The following RALYL variants were observed in gnomAD, a reference collection of about 807,000 sequenced individuals.
RALYL encodes RNA-binding Raly-like protein.
Under a neutral mutation model 35.1 loss-of-function variants are expected in RALYL, and 29 were observed. The observed-to-expected ratio is 0.83, with a 90% CI of 0.61 to 1.13. The LOEUF (loss-of-function observed/expected upper bound fraction) is 1.13. Ranked by LOEUF, RALYL falls within the 50% of genes most tolerant of loss-of-function variation. The pLI is 0.00. For synonymous variants in RALYL, 120 were observed against 127.6 expected (o/e 0.94, Z 0.40); for missense variants, 359 against 360.4 (o/e 1.00, Z 0.03).
chr8:84,921,717 A>G lies in RALYL; in HGVS notation c.*806A>G, dbSNP rs1240109734. Reference sequence around the variant, plus strand: ...TCCTAGGAACTCTCCATTCCCAAGCATTGCCAGTGTTTTCCAGATAATCTT... The same window carrying G: ...TCCTAGGAACTCTCCATTCCCAAGCGTTGCCAGTGTTTTCCAGATAATCTT... On this transcript the variant is annotated 3_prime_UTR_variant, in exon 9 of 9. Coordinates refer to ENST00000521268, the MANE Select transcript of RALYL (RefSeq NM_173848.7). 1 of 152,174 alleles carries G rather than the reference A, an allele frequency of 6.6e-6. No homozygotes were observed. Among genetic ancestry groups the G allele is most frequent in the East Asian group, 1.9e-4 (1 of 5,198 alleles). 9.4% of individuals were successfully genotyped at this position (152,174 alleles called of 1,614,324 possible). A position where few individuals can be genotyped will look rare whatever the true frequency, so the allele number is the denominator to read the frequency against.
chr8:84,275,421 C>A (rs1364840484), intron 1 of RALYL, among the ~76,000 whole-genome samples: 2 of 151,630 alleles, frequency 1.3e-5, no homozygotes, highest in Non-Finnish European at 2.9e-5. Context: ...TTTGTTACTG[C>A]ATTTTTAAAT....
intron 8 of RALYL, among the ~76,000 whole-genome samples, chr8:84,920,039 TAATA>T (rs1271427093): frequency 1.3e-5 from 2 of 152,072 alleles, no homozygotes; most frequent in Non-Finnish European, 2.9e-5. Context: ...TTCAAAGCTT[TAATA>T]AATAAAGTCA....
At chr8:84,731,797 A>G (rs891254576) in intron 2 of RALYL, among the ~76,000 whole-genome samples, 6 of 152,180 alleles carry the variant, frequency 3.9e-5, no homozygotes, top group African/African-American at 1.4e-4. Context: ...TGCCCTTTAA[A>G]AAAACCAAAG....
intron 2 of RALYL, among the ~76,000 whole-genome samples, chr8:84,607,068 T>C (rs1000161813): frequency 2.0e-5 from 3 of 152,104 alleles, no homozygotes; most frequent in Admixed American, 1.3e-4. Context: ...ATTTTAATTG[T>C]TTTATAATGA....
chr8:84,825,803 G>A (rs894483915), intron 4 of RALYL, among the ~76,000 whole-genome samples: 1 of 152,116 alleles, frequency 6.6e-6, no homozygotes, highest in South Asian at 2.1e-4. Flanking sequence ...AGGAAGCAGA[G>A]GTTGCAGTGA....
At chr8:84,343,643 T>A (rs1849278750) in intron 1 of RALYL, among the ~76,000 whole-genome samples, 1 of 152,010 alleles carries the variant, frequency 6.6e-6, no homozygotes, top group African/African-American at 2.4e-5. Context: ...TTATTTCATT[T>A]TTTTAAGAAA....
chr8:84,725,182 T>C (rs1274695249), intron 2 of RALYL, among the ~76,000 whole-genome samples: 2 of 151,668 alleles, frequency 1.3e-5, no homozygotes, highest in Admixed American at 6.6e-5. Context: ...GTCAAAAAAG[T>C]CATTTTGATA....
chr8:84,573,773 T>C (rs1190622263), intron 2 of RALYL, among the ~76,000 whole-genome samples: 1 of 151,978 alleles, frequency 6.6e-6, no homozygotes, highest in Non-Finnish European at 1.5e-5. Flanking sequence ...CTGATCTCTT[T>C]TGAATAGTGT....
At chr8:84,510,790 A>G (rs1206343160) in intron 1 of RALYL, among the ~76,000 whole-genome samples, 1 of 151,698 alleles carries the variant, frequency 6.6e-6, no homozygotes, top group Non-Finnish European at 1.5e-5. Context: ...AGCCTGGGCA[A>G]CAAGAGTGAA....
intron 1 of RALYL, among the ~76,000 whole-genome samples, chr8:84,387,441 TTAAAATTTCCAGGC>T (rs1859475160): frequency 6.6e-6 from 1 of 151,910 alleles, no homozygotes; most frequent in Admixed American, 6.6e-5. Flanking sequence ...TTTTTATTTA[TTAAAATTTCCAGGC>T]TGTACTTAAT....
At chr8:84,379,690 A>G (rs545369588) in intron 1 of RALYL, among the ~76,000 whole-genome samples, 2 of 151,950 alleles carry the variant, frequency 1.3e-5, no homozygotes, top group South Asian at 4.1e-4. Context: ...ACAAAAAACT[A>G]AAAGAAGAGA....
chr8:84,649,214 C>G (rs1828155141), intron 2 of RALYL, among the ~76,000 whole-genome samples: 1 of 152,088 alleles, frequency 6.6e-6, no homozygotes, highest in Non-Finnish European at 1.5e-5. Flanking sequence ...TTTAAATCTT[C>G]TCCCATTTTT....
intron 1 of RALYL, among the ~76,000 whole-genome samples, chr8:84,199,887 CT>C (rs1292461718): frequency 6.6e-6 from 1 of 152,114 alleles, no homozygotes; most frequent in Non-Finnish European, 1.5e-5. Flanking sequence ...ACTCAGTCTG[CT>C]TACCTAGTAA....
At chr8:84,211,958 A>G (rs1200979697) in intron 1 of RALYL, among the ~76,000 whole-genome samples, 1 of 152,208 alleles carries the variant, frequency 6.6e-6, no homozygotes, top group Non-Finnish European at 1.5e-5. Flanking sequence ...TTTAATAGTT[A>G]CAATAACCAA....
intron 2 of RALYL, among the ~76,000 whole-genome samples, chr8:84,619,766 G>A (rs1412163039): frequency 6.6e-6 from 1 of 151,380 alleles, no homozygotes; most frequent in Non-Finnish European, 1.5e-5. Flanking sequence ...GCTTCCTTCA[G>A]GAGCTCTTTT....
At chr8:84,651,613 C>T (rs961851114) in intron 2 of RALYL, among the ~76,000 whole-genome samples, 1 of 151,868 alleles carries the variant, frequency 6.6e-6, no homozygotes, top group African/African-American at 2.4e-5. Context: ...TAACAGAATA[C>T]ATAAATATGT....
chr8:84,866,716 G>A (rs957262048), intron 6 of RALYL, among the ~76,000 whole-genome samples: 1 of 152,066 alleles, frequency 6.6e-6, no homozygotes, highest in Admixed American at 6.6e-5. Flanking sequence ...ATAATACTGT[G>A]ACAGTAAAAA....
At chr8:84,271,614 G>T (rs1227197757) in intron 1 of RALYL, among the ~76,000 whole-genome samples, 1 of 151,814 alleles carries the variant, frequency 6.6e-6, no homozygotes, top group Non-Finnish European at 1.5e-5. Flanking sequence ...TTGTGAATGG[G>T]TGAATAAATA....
At chr8:84,224,951 G>A (rs902361188) in intron 1 of RALYL, among the ~76,000 whole-genome samples, 9 of 152,082 alleles carry the variant, frequency 5.9e-5, no homozygotes, top group South Asian at 2.1e-4. Context: ...CACTGCACCC[G>A]GCCACTTCAT....
Sources: allele counts gnomAD v4.1 joint callset (sites outside exome capture counted in the v4.1 genomes callset), GRCh38; gene constraint gnomAD v4.1.1; transcripts MANE v1.5; gene names NCBI Gene and HGNC (gene_info 2026-07-23, HGNC 2026-07-21).